Variants in CTNNA2 observed in about 807,000 individuals in gnomAD.
CTNNA2 encodes catenin alpha-2.
CTNNA2 carries 42 observed loss-of-function variants against 101.0 expected under a neutral mutation model. The observed-to-expected ratio is 0.42, with a 90% confidence interval of 0.32 to 0.54. The LOEUF is 0.54. Ranked by LOEUF, CTNNA2 falls within the 20% of genes least tolerant of loss-of-function variation. The probability of loss-of-function intolerance (pLI) is 0.14; values close to 1 mark genes in which losing one functional copy is unlikely to be tolerated. For synonymous variants in CTNNA2, 450 were observed against 456.4 expected (o/e 0.99, Z 0.18); for missense variants, 871 against 1,223.1 (o/e 0.71, Z 4.29).
At chr2:79,299,362 G>T (rs1198322399) in intron 2 of CTNNA2, among the ~76,000 whole-genome samples, 3 of 152,152 alleles carry the variant, frequency 2.0e-5, no homozygotes, top group Admixed American at 6.5e-5. Context: ...TTTAGTGCCA[G>T]CGTCATAGGC....
chr2:79,686,767 G>C (rs1328239452), intron 2 of CTNNA2, among the ~76,000 whole-genome samples: 1 of 152,026 alleles, frequency 6.6e-6, no homozygotes. Context: ...CACACACCCT[G>C]CTACTGTACA....
chr2:79,678,143 G>A (rs889307425), intron 2 of CTNNA2, among the ~76,000 whole-genome samples: 1 of 152,092 alleles, frequency 6.6e-6, no homozygotes, highest in African/African-American at 2.4e-5. Context: ...CGACTACTTC[G>A]TGCTTTCCCG....
intron 7 of CTNNA2, among the ~76,000 whole-genome samples, chr2:80,137,322 A>G (rs1173515244): frequency 6.6e-6 from 1 of 152,194 alleles, no homozygotes; most frequent in African/African-American, 2.4e-5. Flanking sequence ...TTGGCTCAGT[A>G]AAAGGATGAA....
At chr2:79,347,913 A>G (rs1485670514) in intron 3 of CTNNA2, among the ~76,000 whole-genome samples, 1 of 152,042 alleles carries the variant, frequency 6.6e-6, no homozygotes, top group Non-Finnish European at 1.5e-5. Context: ...TATCAGGTAT[A>G]AAATGATGAT....
At chr2:79,387,047 G>A (rs574633586) in intron 4 of CTNNA2, among the ~76,000 whole-genome samples, 8 of 152,230 alleles carry the variant, frequency 5.3e-5, no homozygotes, top group African/African-American at 1.9e-4. Flanking sequence ...ACCCTTATAA[G>A]TTGTCTCTGT....
intron 9 of CTNNA2, among the ~76,000 whole-genome samples, chr2:80,464,496 G>A (rs987515284): frequency 6.6e-6 from 1 of 152,156 alleles, no homozygotes; most frequent in African/African-American, 2.4e-5. Flanking sequence ...TTTTCTCACA[G>A]TAAAAAGGGA....
At chr2:80,574,086 C>A in intron 12 of CTNNA2, 77 bp from the exon 13 acceptor site, 1 of 1,486,264 alleles carries the variant, frequency 6.7e-7, no homozygotes, top group Non-Finnish European at 9.2e-7. Context: ...CGAGGACCTG[C>A]CACTTCGCCC....
intron 12 of CTNNA2, among the ~76,000 whole-genome samples, chr2:80,559,342 C>A (rs185692558): frequency 8.0e-4 from 122 of 152,276 alleles, no homozygotes; most frequent in Admixed American, 1.6e-3. Context: ...TACACACAGG[C>A]AAACCCCTGT....
At chr2:80,288,706 G>A (rs1674981032) in intron 7 of CTNNA2, 2 of 152,326 alleles carry the variant, frequency 1.3e-5, no homozygotes, top group African/African-American at 4.8e-5. Flanking sequence ...AGGAAGCTTG[G>A]CAGGGCACCA....
intron 2 of CTNNA2, among the ~76,000 whole-genome samples, chr2:79,697,481 A>G (rs1684721809): frequency 6.6e-6 from 1 of 152,108 alleles, no homozygotes; most frequent in African/African-American, 2.4e-5. Flanking sequence ...TAGAAATTAC[A>G]TATTTGAGTT....
At chr2:80,615,866 G>A (rs899172054) in intron 17 of CTNNA2, among the ~76,000 whole-genome samples, 1 of 151,536 alleles carries the variant, frequency 6.6e-6, no homozygotes, top group Non-Finnish European at 1.5e-5. Flanking sequence ...TCTTTGTTCA[G>A]ATTTCTTTTA....
intron 6 of CTNNA2, among the ~76,000 whole-genome samples, chr2:79,907,170 A>G (rs1045410698): frequency 6.6e-6 from 1 of 152,200 alleles, no homozygotes; most frequent in Non-Finnish European, 1.5e-5. Flanking sequence ...CTTAAAGCAG[A>G]ACATATGGTT....
chr2:79,307,276 A>C (rs1214647392), intron 2 of CTNNA2, among the ~76,000 whole-genome samples: 1 of 152,224 alleles, frequency 6.6e-6, no homozygotes. Context: ...ATTTGAAATT[A>C]TATCAGATAT....
chr2:80,004,672 C>CATTT (rs59472149), intron 7 of CTNNA2, among the ~76,000 whole-genome samples: 33,275 of 145,328 alleles, frequency 0.23, 4,010 homozygotes, highest in South Asian at 0.29. Flanking sequence ...TTTTATTTTA[C>CATTT]ATTTATTTAT....
At chr2:79,374,928 T>A (rs2122861) in intron 4 of CTNNA2, among the ~76,000 whole-genome samples, 121,116 of 151,628 alleles carry the variant, frequency 0.8, 48,623 homozygotes, top group African/African-American at 0.87. Context: ...ATTTACAATC[T>A]AATAAAAATT....
intron 8 of CTNNA2, among the ~76,000 whole-genome samples, chr2:80,415,422 C>CT (rs532530820): frequency 2.6e-5 from 4 of 151,706 alleles, no homozygotes; most frequent in East Asian, 3.9e-4. Flanking sequence ...TTGTTTTTTT[C>CT]TTTTTTTGTA....
intron 7 of CTNNA2, among the ~76,000 whole-genome samples, chr2:80,175,128 G>A (rs1354125944): frequency 6.6e-6 from 1 of 152,032 alleles, no homozygotes; most frequent in Non-Finnish European, 1.5e-5. Flanking sequence ...AGCTACACTG[G>A]CTTTTTTCAA....
At chr2:79,411,852 A>T (rs1250393256) in intron 4 of CTNNA2, among the ~76,000 whole-genome samples, 1 of 152,116 alleles carries the variant, frequency 6.6e-6, no homozygotes, top group Non-Finnish European at 1.5e-5. Context: ...GAGCAAAATA[A>T]CCAGCTAACA....
intron 7 of CTNNA2, among the ~76,000 whole-genome samples, chr2:80,158,378 G>A (rs1277945485): frequency 6.6e-6 from 1 of 152,122 alleles, no homozygotes; most frequent in Non-Finnish European, 1.5e-5. Context: ...ATAATACAAA[G>A]AGACCTGTAT....
Sources: allele counts gnomAD v4.1 joint callset (sites outside exome capture counted in the v4.1 genomes callset), GRCh38; gene constraint gnomAD v4.1.1; transcripts MANE v1.5; gene names NCBI Gene and HGNC (gene_info 2026-07-23, HGNC 2026-07-21).